RBM6: variants seen among roughly 807,000 people sequenced by gnomAD.
RBM6 encodes RNA binding motif protein 6, also known as RNA-binding protein 6.
Under a neutral mutation model 140.4 loss-of-function variants are expected in RBM6, and 23 were observed. The observed-to-expected ratio is 0.16, with a 90% CI of 0.12 to 0.23. The LOEUF (loss-of-function observed/expected upper bound fraction) is 0.23, where lower values mean the gene tolerates loss of function less well. Among genes scored for constraint, RBM6 ranks in the 10% least tolerant of loss-of-function variants. The pLI, the probability that RBM6 is intolerant of heterozygous loss-of-function variation, is 1.00. For synonymous variants in RBM6, 439 were observed against 475.6 expected (o/e 0.92, Z 1.00); for missense variants, 1,139 against 1,386.7 (o/e 0.82, Z 2.84).
chr3:50,044,293 G>T (rs1374336033), intron 6 of RBM6, among the ~76,000 whole-genome samples: 1 of 152,084 alleles, frequency 6.6e-6, no homozygotes, highest in Non-Finnish European at 1.5e-5. Flanking sequence ...ATATTCTAAT[G>T]TGTGAAGATA....
At position 50,070,510 on chromosome 3, in the gene RBM6, C is replaced by G; in HGVS notation, c.3074C>G (p.Ser1025Cys). 6.2e-7 allele frequency: 1 copy of G among 1,614,066 alleles called. No individual in the cohort carries two copies. The highest frequency in any genetic ancestry group is 1.3e-5 in the African/African-American group (1 of 75,048). ...AGGGAAAAGCTCCAGTCTTTTGACT[C>G]TCCAGAAAGGAAACGGATTAAGTAC... is the stretch of plus-strand genomic sequence containing the variant. ...DRREKLQSFD[S>C]PERKRIKYSR... is the part of the protein sequence containing the mutation. The change falls in exon 19 of 21, where the codon TCT becomes TGT. Residue 1025 changes from serine (S) to cysteine (C), a missense_variant. Physicochemically the swap from Ser to Cys is moderately radical, Grantham distance 112. Coordinates refer to ENST00000266022, the MANE Select transcript of RBM6 (RefSeq NM_005777.3).
intron 6 of RBM6, among the ~76,000 whole-genome samples, chr3:50,006,283 G>A (rs1399072273): frequency 6.6e-6 from 1 of 151,638 alleles, no homozygotes; most frequent in Non-Finnish European, 1.5e-5. Context: ...TTACAAGCAT[G>A]TGCCACCACG....
chr3:50,005,989 G>T (rs1034837181), intron 6 of RBM6, among the ~76,000 whole-genome samples: 2 of 151,846 alleles, frequency 1.3e-5, no homozygotes, highest in East Asian at 3.9e-4. Context: ...AGAGAGTTGG[G>T]GTATTCAAGA....
At chr3:49,984,290 GAGACCTTGTCTCAAAAAAATAAA>G (rs957989937) in intron 5 of RBM6, among the ~76,000 whole-genome samples, 1 of 151,948 alleles carries the variant, frequency 6.6e-6, no homozygotes, top group Non-Finnish European at 1.5e-5. Context: ...GCAACAGAGA[GAGACCTTGTCTCAAAAAAATAAA>G]ATGGTGAATG....
intron 9 of RBM6, 123 bp downstream of exon 9, chr3:50,058,126 A>C: frequency 8.0e-7 from 1 of 1,247,252 alleles, no homozygotes; most frequent in Non-Finnish European, 1.1e-6. Flanking sequence ...TGACCTGATG[A>C]CAGAGGCCAT....
At chr3:50,045,715 CT>C (rs1363462762) in intron 6 of RBM6, among the ~76,000 whole-genome samples, 1 of 152,126 alleles carries the variant, frequency 6.6e-6, no homozygotes. Flanking sequence ...TGATGCTGGT[CT>C]TTTTTGGTTC....
At chr3:49,943,033 A>T (rs1420727788) in intron 1 of RBM6, among the ~76,000 whole-genome samples, 1 of 152,134 alleles carries the variant, frequency 6.6e-6, no homozygotes, top group African/African-American at 2.4e-5. Context: ...TATTTCACTT[A>T]GTGTAATGGT....
At chr3:49,995,428 A>G (rs2086039360) in intron 5 of RBM6, among the ~76,000 whole-genome samples, 1 of 151,968 alleles carries the variant, frequency 6.6e-6, no homozygotes, top group Non-Finnish European at 1.5e-5. Flanking sequence ...TGGTAGTCCC[A>G]GCTACTGCAG....
At chr3:50,075,457 A>G (rs2090432983) in intron 20 of RBM6, 127 bp downstream of exon 20, 1 of 1,280,732 alleles carries the variant, frequency 7.8e-7, no homozygotes. Context: ...AGGACATGAG[A>G]GTTGAACACT....
intron 6 of RBM6, among the ~76,000 whole-genome samples, chr3:50,010,431 T>C (rs1369497239): frequency 6.6e-6 from 1 of 152,012 alleles, no homozygotes; most frequent in African/African-American, 2.4e-5. Context: ...TGATAACTGA[T>C]TGATACAGGG....
chr3:50,059,989 C>G (rs1287943838), intron 11 of RBM6, among the ~76,000 whole-genome samples: 5 of 152,096 alleles, frequency 3.3e-5, no homozygotes, highest in Non-Finnish European at 5.9e-5. Context: ...TCTTTGGGTC[C>G]CAAATGGCCT....
chr3:50,071,278 C>G (rs536873930), intron 19 of RBM6, among the ~76,000 whole-genome samples: 35 of 152,284 alleles, frequency 2.3e-4, no homozygotes, highest in African/African-American at 8.2e-4. Context: ...GTAGATAAGC[C>G]TGGTCCAAAA....
intron 6 of RBM6, among the ~76,000 whole-genome samples, chr3:50,047,783 G>A (rs937943764): frequency 1.3e-5 from 2 of 152,148 alleles, no homozygotes; most frequent in Non-Finnish European, 2.9e-5. Context: ...AAATTTTCAG[G>A]CACTAAAGTT....
intron 14 of RBM6, 58 bp downstream of exon 14, chr3:50,061,605 T>C (rs752680838): frequency 6.4e-7 from 1 of 1,553,996 alleles, no homozygotes; most frequent in Non-Finnish European, 8.6e-7. Flanking sequence ...ATGATTCTTT[T>C]GAGAAAAGCA....
chr3:49,965,681 A>C (rs2084480479), intron 2 of RBM6, among the ~76,000 whole-genome samples: 1 of 151,946 alleles, frequency 6.6e-6, no homozygotes, highest in African/African-American at 2.4e-5. Flanking sequence ...AAAAAAAAAA[A>C]AAGAAGAACA....
chr3:50,073,802 A>G (rs936767382), intron 19 of RBM6, among the ~76,000 whole-genome samples: 1 of 151,258 alleles, frequency 6.6e-6, no homozygotes, highest in Non-Finnish European at 1.5e-5. Context: ...GACATGATTT[A>G]GCTTAATAAG....
At chr3:49,951,568 A>G (rs2083731507) in intron 1 of RBM6, among the ~76,000 whole-genome samples, 1 of 145,896 alleles carries the variant, frequency 6.9e-6, no homozygotes, top group Non-Finnish European at 1.5e-5. Context: ...TTATTTATTT[A>G]TTTATTTATT....
intron 6 of RBM6, among the ~76,000 whole-genome samples, chr3:50,001,674 T>C (rs770245745): frequency 6.6e-6 from 1 of 152,188 alleles, no homozygotes; most frequent in Non-Finnish European, 1.5e-5. Flanking sequence ...ACTAACCATG[T>C]GTCAGAAACT....
intron 20 of RBM6, 21 bp downstream of exon 20, chr3:50,075,351 T>TG (rs756914024): frequency 3.7e-6 from 6 of 1,603,570 alleles, no homozygotes; most frequent in East Asian, 4.5e-5. Context: ...TTCCATCTTT[T>TG]GGGGGGTGAC....
Sources: gnomAD v4.1 joint callset for allele counts (sites outside exome capture counted in the v4.1 genomes callset) on GRCh38, gnomAD v4.1.1 for gene constraint, MANE v1.5 for transcripts, NCBI Gene and HGNC (gene_info 2026-07-23, HGNC 2026-07-21) for gene names.